Variants in MTHFD2L observed in about 807,000 individuals in gnomAD.
MTHFD2L encodes bifunctional methylenetetrahydrofolate dehydrogenase/cyclohydrolase 2, mitochondrial.
A neutral mutation model predicts 34.9 loss-of-function variants in MTHFD2L; 29 were observed. The ratio of observed to expected loss-of-function variants is 0.83; its 90% CI spans 0.62 to 1.13. The LOEUF is 1.13. Among genes scored for constraint, MTHFD2L ranks in the 50% most tolerant of loss-of-function variants. The probability of loss-of-function intolerance (pLI) is 0.00; values close to 1 mark genes in which losing one functional copy is unlikely to be tolerated. For missense variants in MTHFD2L, 481 were observed against 446.5 expected (o/e 1.08, Z -0.70); for synonymous variants, 167 against 155.7 (o/e 1.07, Z -0.54).
At chr4:74,278,901 T>A (rs758228491) in intron 6 of MTHFD2L, among the ~76,000 whole-genome samples, 1 of 152,084 alleles carries the variant, frequency 6.6e-6, no homozygotes, top group Non-Finnish European at 1.5e-5. Flanking sequence ...TGACAAATGC[T>A]TTTCACAGAA....
At chr4:74,177,286 GACTC>G (rs773218331) in intron 3 of MTHFD2L, among the ~76,000 whole-genome samples, 24 of 151,926 alleles carry the variant, frequency 1.6e-4, no homozygotes, top group Admixed American at 4.6e-4. Flanking sequence ...TCAATTGTTT[GACTC>G]ACTCACAATG....
rs116451184 is a variant in MTHFD2L at position 74,273,399 on chromosome 4, A to G, written c.806-8026A>G. 1.9e-3 allele frequency among the ~76,000 whole-genome samples: 285 copies of G among 152,310 alleles called. 1 individual carries two copies. Among genetic ancestry groups the G allele is most frequent in the African/African-American group, 6.3e-3 (264 of 41,578 alleles). Reference sequence around the variant, plus strand: ...TTTGTGTTGAAGTTTGAAGGAATCTAAAAGAGATTAAGTATTTCACTTTTA... The same window carrying G: ...TTTGTGTTGAAGTTTGAAGGAATCTGAAAGAGATTAAGTATTTCACTTTTA... On this transcript the variant is annotated intron_variant, in intron 6 of 7. Coordinates refer to ENST00000325278, the MANE Select transcript of MTHFD2L (RefSeq NM_001144978.3).
At chr4:74,152,758 CATGAGAACAT>C (rs1042164478) in intron 1 of MTHFD2L, among the ~76,000 whole-genome samples, 7 of 152,094 alleles carry the variant, frequency 4.6e-5, no homozygotes, top group African/African-American at 1.7e-4. Flanking sequence ...CGCGCTTATG[CATGAGAACAT>C]GCAGTGTTTG....
intron 1 of MTHFD2L, chr4:74,160,083 C>G (rs779044753): frequency 7.9e-5 from 102 of 1,289,242 alleles, no homozygotes; most frequent in Non-Finnish European, 9.9e-5. Flanking sequence ...ATTCCATCTT[C>G]CAGAGGTTGC....
intron 3 of MTHFD2L, chr4:74,183,208 A>AT (rs1344002541): frequency 6.6e-6 from 1 of 152,206 alleles, no homozygotes; most frequent in Admixed American, 6.5e-5. Context: ...CAATAGAACA[A>AT]TATCTTTAAG....
upstream of MTHFD2L, chr4:74,158,064 G>T (rs1158724512): frequency 1.3e-6 from 2 of 1,530,170 alleles, no homozygotes; most frequent in African/African-American, 1.4e-5. Context: ...GGTGAGGGCG[G>T]AGCCAGGCCT....
chr4:74,154,542 A>G (rs1724132383), upstream of MTHFD2L, among the ~76,000 whole-genome samples: 5 of 152,144 alleles, frequency 3.3e-5, no homozygotes, highest in South Asian at 1.0e-3. Context: ...ATCCAACACT[A>G]CTTTATTTTA....
At chr4:74,160,808 C>CT (rs1321814538) in intron 1 of MTHFD2L, 3 of 152,204 alleles carry the variant, frequency 2.0e-5, no homozygotes, top group African/African-American at 7.2e-5. Context: ...TGTGAGGAGT[C>CT]TGATAGCAGC....
chr4:74,159,225 A>G (rs1038454259), intron 1 of MTHFD2L, among the ~76,000 whole-genome samples: 4 of 152,222 alleles, frequency 2.6e-5, no homozygotes, highest in Non-Finnish European at 4.4e-5. Context: ...TACTTCCTAT[A>G]GGATTTGCTT....
chr4:74,271,385 A>G (rs1426202865), intron 6 of MTHFD2L, among the ~76,000 whole-genome samples: 3 of 152,360 alleles, frequency 2.0e-5, no homozygotes, highest in Admixed American at 6.5e-5. Flanking sequence ...AGCTTTCTAC[A>G]TATGGCTAGC....
chr4:74,262,791 G>C (rs1358225655), intron 6 of MTHFD2L, among the ~76,000 whole-genome samples: 1 of 151,918 alleles, frequency 6.6e-6, no homozygotes, highest in Admixed American at 6.6e-5. Flanking sequence ...CTTTATTATA[G>C]TCCCTCTAGA....
chr4:74,132,532 G>A (rs1469753017), intron 1 of MTHFD2L, among the ~76,000 whole-genome samples: 2 of 152,068 alleles, frequency 1.3e-5, no homozygotes, highest in Non-Finnish European at 2.9e-5. Context: ...AGTGGGAGTT[G>A]AACAATGAGA....
intron 5 of MTHFD2L, among the ~76,000 whole-genome samples, chr4:74,220,473 A>C (rs2110108281): frequency 1.3e-5 from 2 of 151,984 alleles, no homozygotes; most frequent in African/African-American, 4.8e-5. Flanking sequence ...TACTTCCAAA[A>C]AGTTCATTTT....
chr4:74,155,864 A>G (rs1248416248), upstream of MTHFD2L, among the ~76,000 whole-genome samples: 1 of 151,740 alleles, frequency 6.6e-6, no homozygotes, highest in African/African-American at 2.4e-5. Context: ...GTTTAAACAA[A>G]TGTCCCTCCA....
intron 5 of MTHFD2L, among the ~76,000 whole-genome samples, chr4:74,220,087 T>C (rs1379790911): frequency 3.5e-5 from 1 of 28,862 alleles, no homozygotes; most frequent in Non-Finnish European, 1.1e-4. Flanking sequence ...TTCATTTTGG[T>C]TTTGATTTTT....
chr4:74,264,201 C>T (rs1237451292), intron 6 of MTHFD2L, among the ~76,000 whole-genome samples: 3 of 151,946 alleles, frequency 2.0e-5, no homozygotes, highest in African/African-American at 4.8e-5. Context: ...CAGTCCTATT[C>T]TATACCATCA....
intron 1 of MTHFD2L, 39 bp downstream of exon 1, chr4:74,158,320 G>A: frequency 8.1e-7 from 1 of 1,229,244 alleles, no homozygotes; most frequent in Non-Finnish European, 1.0e-6. Context: ...AGCCGCTGGC[G>A]GTGGGAGGTC....
intron 7 of MTHFD2L, among the ~76,000 whole-genome samples, chr4:74,285,957 G>A (rs1026135650): frequency 6.6e-6 from 1 of 152,090 alleles, no homozygotes; most frequent in Non-Finnish European, 1.5e-5. Context: ...GGTAATGTTT[G>A]CTAAGCACCT....
chr4:74,169,971 A>T (rs911377868), intron 1 of MTHFD2L, among the ~76,000 whole-genome samples: 9 of 152,216 alleles, frequency 5.9e-5, no homozygotes, highest in Non-Finnish European at 8.8e-5. Context: ...ATATTAAGGA[A>T]TTTAAGTTTG....
Sources: gnomAD v4.1 joint callset for allele counts (sites outside exome capture counted in the v4.1 genomes callset) on GRCh38, gnomAD v4.1.1 for gene constraint, MANE v1.5 for transcripts, NCBI Gene and HGNC (gene_info 2026-07-23, HGNC 2026-07-21) for gene names.